Variants in NEIL3 observed in about 807,000 individuals in gnomAD.
NEIL3 encodes the protein nei like DNA glycosylase 3, also known as endonuclease 8-like 3.
Under a neutral mutation model 57.5 loss-of-function variants are expected in NEIL3, and 48 were observed. The observed-to-expected ratio is 0.83, with a 90% CI of 0.66 to 1.06. The LOEUF is 1.06. Among genes scored for constraint, NEIL3 ranks in the 50% least tolerant of loss-of-function variants. The pLI is 0.00. For missense variants in NEIL3, 717 were observed against 739.1 expected (o/e 0.97, Z 0.35); for synonymous variants, 261 against 253.2 (o/e 1.03, Z -0.29).
intron 6 of NEIL3, among the ~76,000 whole-genome samples, chr4:177,350,996 C>T (rs576800267): frequency 6.6e-6 from 1 of 151,082 alleles, no homozygotes; most frequent in East Asian, 2.0e-4. Flanking sequence ...TTACTTGAGG[C>T]CAGGAGTTCA....
chr4:177,357,628 C>T (rs544372267), intron 8 of NEIL3, among the ~76,000 whole-genome samples: 2 of 151,988 alleles, frequency 1.3e-5, no homozygotes, highest in Non-Finnish European at 2.9e-5. Flanking sequence ...TCTATTATGC[C>T]TCGGGCATTG....
At chr4:177,315,769 C>A (rs1734562523) in intron 1 of NEIL3, among the ~76,000 whole-genome samples, 2 of 152,130 alleles carry the variant, frequency 1.3e-5, no homozygotes. Context: ...AAAGATATAT[C>A]CAGGTGCTTG....
rs202215736 is a variant in NEIL3, at chr4:177,323,366, TAAAAG to T, written c.278+793_278+797del. Reference sequence around the variant, plus strand: ...CTGACCACAGTTATCACCTTTTTCTTAAAAGAAAAGACCTGTTCCTGGACCCCATG... The same window carrying T: ...CTGACCACAGTTATCACCTTTTTCTTAAAAGACCTGTTCCTGGACCCCATG... On this transcript the variant is annotated intron_variant, in intron 2 of 9. Transcript: ENST00000264596. Among the ~76,000 whole-genome samples the T allele has an allele frequency of 3.7e-3, 566 of 152,304 alleles. 1 individual carries two copies. The highest frequency in any genetic ancestry group is 5.7e-3 in the Non-Finnish European group (390 of 68,012).
intron 8 of NEIL3, 50 bp from the exon 9 acceptor site, chr4:177,360,453 G>C: frequency 7.4e-7 from 1 of 1,356,712 alleles, no homozygotes. Flanking sequence ...TGGTGTGAAT[G>C]GTCCCTTAGC....
chr4:177,352,252 G>A (rs1005386385), intron 7 of NEIL3, among the ~76,000 whole-genome samples: 1 of 152,070 alleles, frequency 6.6e-6, no homozygotes, highest in African/African-American at 2.4e-5. Context: ...TTGTTTCCTG[G>A]GCCAGAAAGG....
intron 8 of NEIL3, chr4:177,354,285 G>A (rs1735429510): frequency 6.6e-6 from 1 of 150,392 alleles, no homozygotes; most frequent in African/African-American, 2.4e-5. Flanking sequence ...CCATACACAT[G>A]ATCAATACAG....
rs150266124 is a variant in NEIL3 at position 177,310,043 on chromosome 4, C to G, written c.90C>G (p.Ser30Arg). The change falls in exon 1 of 10, where the codon AGC (serine) becomes AGG (arginine). Residue 30 changes from serine to arginine, a missense_variant. Coordinates refer to ENST00000264596, the MANE Select transcript of NEIL3 (RefSeq NM_018248.3). ...AGGCGGTGACCGGCGTGCGGGGAAGCGCTCTGCGGAGTCTGCAGGGCCGCG... is the reference window on the plus strand; with the variant it reads ...AGGCGGTGACCGGCGTGCGGGGAAGGGCTCTGCGGAGTCTGCAGGGCCGCG... Reference protein sequence around the residue: ...PGQAVTGVRGSALRSLQGRAL... With the variant: ...PGQAVTGVRGRALRSLQGRAL... 3.7e-5 allele frequency: 59 copies of G among 1,609,338 alleles called. No individual in the cohort carries two copies. In the African/African-American group the frequency reaches 6.0e-4, roughly 16 times the overall value.
the NEIL3 span, among the ~76,000 whole-genome samples, chr4:177,369,602 A>G: frequency 6.6e-6 from 1 of 152,068 alleles, no homozygotes; most frequent in African/African-American, 2.4e-5. Flanking sequence ...AAAATGATCA[A>G]TCCTGCCAGT....
intron 6 of NEIL3, chr4:177,343,398 G>T (rs1451984498): frequency 6.6e-6 from 1 of 152,232 alleles, no homozygotes; most frequent in Non-Finnish European, 1.5e-5. Flanking sequence ...TAACTACAAA[G>T]TGGGCAGGAA....
rs1221794505 is a variant in NEIL3 at position 177,339,973 on chromosome 4, A to G, written c.702+116A>G. ...CATCTAGTGGAAAGAGCATGGAGGT[A>G]CATTAAGGGAGAGTGACATTATGTG... On this transcript the variant is annotated intron_variant, in intron 5 of 9. Coordinates refer to ENST00000264596, the MANE Select transcript of NEIL3 (RefSeq NM_018248.3). 1.6e-5 allele frequency: 11 copies of G among 668,188 alleles called. 1 individual carries two copies. Among genetic ancestry groups the G allele is most frequent in the Non-Finnish European group, 2.7e-5 (10 of 374,890 alleles). The allele number at this position is 668,188 out of a possible 1,614,324, so 41.4% of individuals were successfully genotyped here. A position where few individuals can be genotyped will look rare whatever the true frequency, so the allele number is the denominator to read the frequency against.
At chr4:177,366,521 C>A (rs2110952599), downstream of NEIL3, among the ~76,000 whole-genome samples, 1 of 152,288 alleles carries the variant, frequency 6.6e-6, no homozygotes, top group Admixed American at 6.5e-5. Flanking sequence ...GCCTCAGCCT[C>A]CTGAGTAGCT....
chr4:177,323,240 A>G (rs1734720936), intron 2 of NEIL3, among the ~76,000 whole-genome samples: 1 of 152,142 alleles, frequency 6.6e-6, no homozygotes, highest in African/African-American at 2.4e-5. Flanking sequence ...TAATATGTCT[A>G]CCCAATCTCA....
rs1184296413 is a variant in NEIL3, at chr4:177,310,032, G to T, written c.79G>T (p.Val27Leu). ...RVLPGQAVTGVRGSALRSLQG... is the reference protein window; with the variant it reads ...RVLPGQAVTGLRGSALRSLQG... Reference sequence around the variant, plus strand: ...GCTCCCGGGCCAGGCGGTGACCGGCGTGCGGGGAAGCGCTCTGCGGAGTCT... The same window carrying T: ...GCTCCCGGGCCAGGCGGTGACCGGCTTGCGGGGAAGCGCTCTGCGGAGTCT... The change falls in exon 1 of 10, where the codon GTG becomes TTG. Residue 27 changes from valine to leucine, a missense_variant. Coordinates refer to ENST00000264596, the MANE Select transcript of NEIL3 (RefSeq NM_018248.3). 1.2e-6 allele frequency: 2 copies of T among 1,610,320 alleles called. No homozygotes were observed. The highest frequency in any genetic ancestry group is 2.0e-4 in the Middle Eastern group (1 of 4,884).
intron 1 of NEIL3, among the ~76,000 whole-genome samples, chr4:177,321,962 T>C (rs1045990272): frequency 9.2e-5 from 14 of 152,336 alleles, no homozygotes; most frequent in African/African-American, 3.1e-4. Context: ...CCGCTTTTAG[T>C]TTTTGACCTT....
chr4:177,349,737 G>A (rs1429034694), intron 6 of NEIL3, among the ~76,000 whole-genome samples: 2 of 152,114 alleles, frequency 1.3e-5, no homozygotes, highest in African/African-American at 4.8e-5. Context: ...ATTTATTAAT[G>A]AGTGATTAAG....
At chr4:177,342,334 C>G (rs1578999015) in intron 6 of NEIL3, among the ~76,000 whole-genome samples, 1 of 152,090 alleles carries the variant, frequency 6.6e-6, no homozygotes, top group Non-Finnish European at 1.5e-5. Context: ...GGCCATAGGA[C>G]CTTTTGGGGG....
chr4:177,339,921 C>A, intron 5 of NEIL3, 64 bp downstream of exon 5: 1 of 1,094,412 alleles, frequency 9.1e-7, no homozygotes, highest in Non-Finnish European at 1.4e-6. Context: ...TTGGAGTGCA[C>A]CAAAAAATGT....
downstream of NEIL3, among the ~76,000 whole-genome samples, chr4:177,367,650 C>T (rs1735708614): frequency 2.0e-5 from 3 of 152,164 alleles, no homozygotes; most frequent in South Asian, 2.1e-4. Context: ...GCTTAACTTG[C>T]GAGATGCTAT....
At position 177,353,621 on chromosome 4, in the gene NEIL3, T is replaced by C. The variant is rs1217642531; in HGVS notation, c.1353T>C (p.Pro451=). The C allele has an allele frequency of 3.1e-6, 5 of 1,613,638 alleles. No individual in the cohort carries two copies. Residue 451 remains proline (P), a synonymous_variant, in exon 8 of 10, where the codon CCT becomes CCC. Transcript: ENST00000264596. The part of the protein sequence containing the change: ...TQPSSKVNIS[P]TISSESKLFS... ...CATCCAGCAAAGTAAACATATCACC[T>C]ACAATCAGTTCAGAATCTAAATTAT...
Sources: allele counts gnomAD v4.1 joint callset (sites outside exome capture counted in the v4.1 genomes callset), GRCh38; gene constraint gnomAD v4.1.1; transcripts MANE v1.5; gene names NCBI Gene and HGNC (gene_info 2026-07-23, HGNC 2026-07-21).